The following XPR1 variants were observed in gnomAD, a reference collection of about 807,000 sequenced individuals.
XPR1 encodes the protein xenotropic and polytropic retrovirus receptor 1.
A neutral mutation model predicts 87.5 loss-of-function variants in XPR1; 28 were observed. That is an observed-to-expected ratio of 0.32 (90% CI 0.24 to 0.44). XPR1 has a LOEUF of 0.44. XPR1 is among the 20% of genes least tolerant of loss of function. XPR1 has a pLI of 1.00. For synonymous variants in XPR1, 300 were observed against 306.1 expected (o/e 0.98, Z 0.21); for missense variants, 559 against 862.3 (o/e 0.65, Z 4.41).
chr1:180,645,532 C>G (rs1011494208), intron 1 of XPR1, among the ~76,000 whole-genome samples: 1 of 152,118 alleles, frequency 6.6e-6, no homozygotes, highest in East Asian at 1.9e-4. Flanking sequence ...GTTTTGCGAC[C>G]CATTCTGTGT....
At chr1:180,655,237 C>G (rs1655414958) in intron 1 of XPR1, among the ~76,000 whole-genome samples, 1 of 151,994 alleles carries the variant, frequency 6.6e-6, no homozygotes, top group African/African-American at 2.4e-5. Context: ...AATATCTGTT[C>G]AAGTCTTTTG....
In XPR1 at chr1:180,783,875, C is replaced by T. The variant is rs561120689; in HGVS notation, c.122-3878C>T. Among the ~76,000 whole-genome samples, 22 of 151,744 alleles carry T rather than the reference C, an allele frequency of 1.4e-4. No homozygotes were observed. The South Asian group carries it at 4.4e-3, about 30-fold the overall frequency. ...TTTGAGACCAGCCTGACCAACATGG[C>T]GAAACCCCATCTCTACTAAAACTGC... is the stretch of plus-strand genomic sequence containing the variant. On this transcript the variant is annotated intron_variant, in intron 2 of 14. Transcript: ENST00000367590.
chr1:180,788,056 C>T (rs1426981431), intron 3 of XPR1, among the ~76,000 whole-genome samples: 1 of 152,164 alleles, frequency 6.6e-6, no homozygotes, highest in Non-Finnish European at 1.5e-5. Flanking sequence ...CCTAGAAACT[C>T]TTGCAGTCAA....
intron 1 of XPR1, among the ~76,000 whole-genome samples, chr1:180,658,864 C>T (rs942396316): frequency 5.3e-5 from 8 of 152,068 alleles, no homozygotes; most frequent in Admixed American, 1.3e-4. Flanking sequence ...CCACTGCACC[C>T]GGCCGATCAT....
At chr1:180,682,959 TTTTTATTTTA>T (rs766636420) in intron 2 of XPR1, among the ~76,000 whole-genome samples, 1 of 152,054 alleles carries the variant, frequency 6.6e-6, no homozygotes, top group Non-Finnish European at 1.5e-5. Context: ...TGGATATTCT[TTTTTATTTTA>T]TTTTATTTTA....
At chr1:180,838,330 G>T (rs570633440) in intron 11 of XPR1, among the ~76,000 whole-genome samples, 43 of 152,068 alleles carry the variant, frequency 2.8e-4, no homozygotes, top group Non-Finnish European at 4.7e-4. Flanking sequence ...AAGAGGAGGG[G>T]TTGGTCTTGC....
intron 1 of XPR1, among the ~76,000 whole-genome samples, chr1:180,656,366 A>AATATT (rs1655471925): frequency 9.2e-6 from 1 of 108,740 alleles, no homozygotes; most frequent in Non-Finnish European, 1.8e-5. Context: ...TATATATATA[A>AATATT]TATTTATATA....
At chr1:180,659,413 T>G (rs1385614390) in intron 1 of XPR1, among the ~76,000 whole-genome samples, 7 of 130,820 alleles carry the variant, frequency 5.4e-5, no homozygotes, top group Non-Finnish European at 4.9e-5. Context: ...CCTTCCTTCC[T>G]TCCTTCCTTC....
At position 180,863,697 on chromosome 1, in the gene XPR1, T is replaced by G. The variant is rs1652292988; in HGVS notation, c.1502-11T>G. The G allele has an allele frequency of 7.7e-6, 12 of 1,551,274 alleles. No individual in the cohort carries two copies. Among genetic ancestry groups the G allele is most frequent in the Middle Eastern group, 1.7e-4 (1 of 5,780 alleles). On this transcript the variant is annotated splice_polypyrimidine_tract_variant and intron_variant, in intron 11 of 14. Transcript: ENST00000367590. ...AATTTTCTCTTTTCTCTTTCCCTCT[T>G]CTTTCTTCAGAACGAGGTCACTCGG...
At position 180,659,193 on chromosome 1, in the gene XPR1, T is replaced by TCTTCCTTC. The variant is rs550840483; in HGVS notation, c.70-23116_70-23109dup. 1.5e-4 allele frequency among the ~76,000 whole-genome samples: 12 copies of TCTTCCTTC among 79,948 alleles called. No individual in the cohort carries two copies. The East Asian group carries it at 1.6e-3, about 11-fold the overall frequency. The allele number at this position is 79,948 out of a possible 152,430, so 52.4% of individuals were successfully genotyped here. On this transcript the variant is annotated intron_variant, in intron 1 of 14. Coordinates refer to ENST00000367590, the MANE Select transcript of XPR1 (RefSeq NM_004736.4). ...ACTAGGGATATTGGCCTGTAGTCAG[T>TCTTCCTTC]CTTCCTTCCTTCCTTCCTTCCTTCC...
intron 2 of XPR1, among the ~76,000 whole-genome samples, chr1:180,753,982 G>T (rs1647629715): frequency 6.6e-6 from 1 of 152,006 alleles, no homozygotes; most frequent in Admixed American, 6.6e-5. Flanking sequence ...TTACATCTTT[G>T]CAAGTCTGAC....
intron 1 of XPR1, among the ~76,000 whole-genome samples, chr1:180,656,139 T>C (rs1327390062): frequency 1.3e-5 from 2 of 150,844 alleles, no homozygotes; most frequent in African/African-American, 4.9e-5. Flanking sequence ...TTCTACTCTG[T>C]ATTTCCATGA....
chr1:180,679,328 C>T (rs1409684626), intron 1 of XPR1, among the ~76,000 whole-genome samples: 3 of 152,158 alleles, frequency 2.0e-5, no homozygotes, highest in Admixed American at 1.3e-4. Context: ...AGGGGACATT[C>T]GGCAATGTTT....
chr1:180,837,259 G>A lies in XPR1; in HGVS notation c.1501+543G>A, dbSNP rs192698654. ...GCTTTTAAGTTCTGAGCCACATGCA[G>A]CCACTCCTTTTGAATTTTTAACCTT... On this transcript the variant is annotated intron_variant, in intron 11 of 14. Coordinates refer to ENST00000367590, the MANE Select transcript of XPR1 (RefSeq NM_004736.4). Among the ~76,000 whole-genome samples the A allele has an allele frequency of 1.5e-4, 23 of 152,256 alleles. No homozygotes were observed. In the East Asian group the frequency reaches 4.2e-3, roughly 28 times the overall value.
At chr1:180,786,190 C>T (rs1253778435) in intron 2 of XPR1, among the ~76,000 whole-genome samples, 1 of 149,558 alleles carries the variant, frequency 6.7e-6, no homozygotes, top group East Asian at 1.9e-4. Flanking sequence ...CAGTCTTATT[C>T]AAATAAAATA....
intron 2 of XPR1, among the ~76,000 whole-genome samples, chr1:180,766,826 A>T (rs1274494185): frequency 6.6e-6 from 1 of 152,146 alleles, no homozygotes; most frequent in Admixed American, 6.5e-5. Flanking sequence ...GAAATAGTGA[A>T]ACAGTGATCT....
At chr1:180,704,278 T>TATATATATATATATATATATATATATATA (rs1192955477) in intron 2 of XPR1, among the ~76,000 whole-genome samples, 1 of 31,902 alleles carries the variant, frequency 3.1e-5, no homozygotes, top group African/African-American at 9.1e-5. Context: ...ATATATATAT[T>TATATATATATATATATATATATATATATA]ATCAGATTAT....
chr1:180,829,879 C>G (rs1169515946), intron 9 of XPR1, among the ~76,000 whole-genome samples: 1 of 151,844 alleles, frequency 6.6e-6, no homozygotes, highest in Non-Finnish European at 1.5e-5. Context: ...TCCCACCATC[C>G]CTTTTTTCCT....
Position 180,834,727 on chromosome 1 carries a change from C to T in XPR1, c.1135-147C>T, listed in dbSNP as rs115952544. 1.7e-4 allele frequency: 141 copies of T among 830,418 alleles called. 2 individuals are homozygous for T. In the African/African-American group the frequency reaches 2.1e-3, roughly 12 times the overall value. The allele number at this position is 830,418 out of a possible 1,614,324, so 51.4% of individuals were successfully genotyped here. ...TCACTGCTAATTCTCAACCTAGCCA[C>T]TGTTGCCAGGTCTCTGTATTTATGA... is the stretch of plus-strand genomic sequence containing the variant. On this transcript the variant is annotated intron_variant, in intron 9 of 14. Transcript: ENST00000367590.
Sources: gnomAD v4.1 joint callset for allele counts (sites outside exome capture counted in the v4.1 genomes callset) on GRCh38, gnomAD v4.1.1 for gene constraint, MANE v1.5 for transcripts, NCBI Gene and HGNC (gene_info 2026-07-23, HGNC 2026-07-21) for gene names.